The following CCSER1 variants were observed in gnomAD, a reference collection of about 807,000 sequenced individuals.
CCSER1 encodes coiled-coil serine rich protein 1, also known as serine-rich coiled-coil domain-containing protein 1.
A neutral mutation model predicts 82.0 loss-of-function variants in CCSER1; 41 were observed. The ratio of observed to expected loss-of-function variants is 0.50; its 90% CI spans 0.39 to 0.65. The LOEUF is 0.65. CCSER1 is among the 30% of genes least tolerant of loss of function. The pLI is 0.00. For synonymous variants in CCSER1, 414 were observed against 383.9 expected (o/e 1.08, Z -0.92); for missense variants, 1,119 against 1,064.2 (o/e 1.05, Z -0.72).
intron 8 of CCSER1, among the ~76,000 whole-genome samples, chr4:90,873,191 C>T (rs1766787672): frequency 6.6e-6 from 1 of 152,038 alleles, no homozygotes; most frequent in Non-Finnish European, 1.5e-5. Context: ...TCTACCTCTT[C>T]TTTAGGGCCA....
chr4:91,180,114 G>A (rs146874132), intron 10 of CCSER1, among the ~76,000 whole-genome samples: 1 of 152,186 alleles, frequency 6.6e-6, no homozygotes. Context: ...AGTGGAGCCT[G>A]CAGAACAGCG....
intron 5 of CCSER1, among the ~76,000 whole-genome samples, chr4:90,569,899 A>T (rs977235365): frequency 6.6e-6 from 1 of 152,274 alleles, no homozygotes; most frequent in Non-Finnish European, 1.5e-5. Flanking sequence ...GAGTGCCTAC[A>T]GCACAGATTC....
intron 7 of CCSER1, among the ~76,000 whole-genome samples, chr4:90,788,886 A>G (rs1002780332): frequency 1.3e-5 from 2 of 152,060 alleles, no homozygotes; most frequent in African/African-American, 4.8e-5. Context: ...ACTGAATCTC[A>G]TTCTTTCTTA....
In CCSER1 at chr4:91,599,162, T is replaced by C. The variant is rs908178552; in HGVS notation, c.*105T>C. 5 of 1,340,054 alleles carry C rather than the reference T, an allele frequency of 3.7e-6. No individual in the cohort carries two copies. The Admixed American group carries it at 1.5e-4, about 40-fold the overall frequency. 83.0% of individuals were successfully genotyped at this position (1,340,054 alleles called of 1,614,324 possible). On this transcript the variant is annotated 3_prime_UTR_variant, in exon 11 of 11. Coordinates refer to ENST00000509176, the MANE Select transcript of CCSER1 (RefSeq NM_001145065.2). The stretch of plus-strand genomic sequence containing the variant: ...TGTACTTTTTCTTACATTTTAGTTA[T>C]AAACAGAGTTGTGTTGTTGGGTTTT...
rs1756361321 is a variant in CCSER1 at position 91,459,144 on chromosome 4, T to TA, written c.2218-139428_2218-139427insA. Among the ~76,000 whole-genome samples the TA allele has an allele frequency of 5.2e-5, 4 of 77,316 alleles. No homozygotes were observed. The East Asian group carries it at 2.7e-3, about 52-fold the overall frequency. 50.7% of individuals were successfully genotyped at this position (77,316 alleles called of 152,430 possible). On this transcript the variant is annotated intron_variant, in intron 10 of 10. Transcript: ENST00000509176. ...AACAATTTGTTTACAAAGTCTTTTT[T>TA]TAAAAACAGAAATTCTATAGTGAAA...
chr4:90,682,533 C>T (rs965496634), intron 6 of CCSER1, among the ~76,000 whole-genome samples: 2 of 151,882 alleles, frequency 1.3e-5, no homozygotes, highest in Non-Finnish European at 2.9e-5. Flanking sequence ...TTTCATATAA[C>T]AAAAGTTTAC....
intron 9 of CCSER1, among the ~76,000 whole-genome samples, chr4:91,028,899 G>C (rs924157790): frequency 1.3e-5 from 2 of 149,708 alleles, no homozygotes; most frequent in African/African-American, 4.8e-5. Flanking sequence ...TTAATACTTT[G>C]TTCAAGACAA....
At position 91,266,259 on chromosome 4, in the gene CCSER1, GT is replaced by G. The variant is rs149506283; in HGVS notation, c.2217+180275del. 1.8e-3 allele frequency among the ~76,000 whole-genome samples: 262 copies of G among 147,216 alleles called. 2 individuals carry two copies. The highest frequency in any genetic ancestry group is 6.0e-3 in the African/African-American group (240 of 40,178). ...TTTTTTTTGTTTGTTGGTTTGTTTT[GT>G]TTTTTTTTTGAGACAGAGTCTCACT... On this transcript the variant is annotated intron_variant, in intron 10 of 10. Transcript: ENST00000509176.
intron 9 of CCSER1, among the ~76,000 whole-genome samples, chr4:90,955,829 C>T (rs772818998): frequency 6.6e-6 from 1 of 152,064 alleles, no homozygotes; most frequent in Admixed American, 6.6e-5. Context: ...TCTACTTATT[C>T]GTAATTCAGA....
At position 90,356,803 on chromosome 4, in the gene CCSER1, A is replaced by G. The variant is rs1744443407; in HGVS notation, c.1510-43233A>G. On this transcript the variant is annotated intron_variant, in intron 3 of 10. Coordinates refer to ENST00000509176, the MANE Select transcript of CCSER1 (RefSeq NM_001145065.2). ...GGGACTATTTTAGACGGCAATTTAG[A>G]TAGTATCTAATCTGCTAGAAAATAT... Among the ~76,000 whole-genome samples, 5 of 151,856 alleles carry G rather than the reference A, an allele frequency of 3.3e-5. No individual in the cohort carries two copies. In the South Asian group the frequency reaches 1.0e-3, roughly 31 times the overall value.
intron 4 of CCSER1, among the ~76,000 whole-genome samples, chr4:90,401,699 T>G (rs1240924954): frequency 6.6e-6 from 1 of 151,792 alleles, no homozygotes; most frequent in Non-Finnish European, 1.5e-5. Context: ...ACATCCAATT[T>G]TTGTATTTTA....
intron 10 of CCSER1, among the ~76,000 whole-genome samples, chr4:91,165,539 G>T (rs867196472): frequency 6.6e-6 from 1 of 152,336 alleles, no homozygotes; most frequent in African/African-American, 2.4e-5. Flanking sequence ...CCCAGTGGTG[G>T]GGTCTACAGA....
intron 3 of CCSER1, among the ~76,000 whole-genome samples, chr4:90,328,267 AG>A (rs1244086575): frequency 1.3e-5 from 2 of 152,178 alleles, no homozygotes; most frequent in Non-Finnish European, 2.9e-5. Flanking sequence ...AAAACTCTGA[AG>A]GCAATTATCT....
At chr4:91,438,696 G>A (rs889066821) in intron 10 of CCSER1, among the ~76,000 whole-genome samples, 1 of 147,506 alleles carries the variant, frequency 6.8e-6, no homozygotes, top group African/African-American at 2.5e-5. Context: ...AGCTACAGGA[G>A]GAAATTCAAA....
chr4:91,340,436 T>C (rs564075706), intron 10 of CCSER1, among the ~76,000 whole-genome samples: 153 of 152,298 alleles, frequency 1.0e-3, no homozygotes, highest in African/African-American at 3.6e-3. Flanking sequence ...TATAATTCCA[T>C]GAAGAATGAA....
intron 10 of CCSER1, among the ~76,000 whole-genome samples, chr4:91,368,161 C>T (rs933121112): frequency 1.3e-5 from 2 of 151,754 alleles, no homozygotes; most frequent in Non-Finnish European, 2.9e-5. Flanking sequence ...TATTTTCTCC[C>T]TAGGATGTCA....
At chr4:90,492,221 C>T (rs957680679) in intron 5 of CCSER1, among the ~76,000 whole-genome samples, 8 of 152,032 alleles carry the variant, frequency 5.3e-5, no homozygotes, top group African/African-American at 1.9e-4. Flanking sequence ...TTCAGGGATT[C>T]AACTTCTTCC....
chr4:91,343,904 A>T (rs535847432), intron 10 of CCSER1, among the ~76,000 whole-genome samples: 1 of 152,316 alleles, frequency 6.6e-6, no homozygotes, highest in South Asian at 2.1e-4. Context: ...CATATATGTA[A>T]GTTAAAATTT....
At position 91,446,440 on chromosome 4, in the gene CCSER1, G is replaced by GT. The variant is rs978084773; in HGVS notation, c.2218-152127dup. Among the ~76,000 whole-genome samples, 14 of 149,196 alleles carry GT rather than the reference G, an allele frequency of 9.4e-5. No homozygotes were observed. In the South Asian group the frequency reaches 1.1e-3, roughly 11 times the overall value. Reference sequence around the variant, plus strand: ...GAGTGTGCTCTAGAAATACTATACTGTTTTTCTGTTACAAATATTATGCAT... The same window carrying GT: ...GAGTGTGCTCTAGAAATACTATACTGTTTTTTCTGTTACAAATATTATGCAT... On this transcript the variant is annotated intron_variant, in intron 10 of 10. Coordinates refer to ENST00000509176, the MANE Select transcript of CCSER1 (RefSeq NM_001145065.2).
Sources: allele counts gnomAD v4.1 joint callset (sites outside exome capture counted in the v4.1 genomes callset), GRCh38; gene constraint gnomAD v4.1.1; transcripts MANE v1.5; gene names NCBI Gene and HGNC (gene_info 2026-07-23, HGNC 2026-07-21).